Variants in TACO1 observed in about 807,000 individuals in gnomAD.
The protein encoded by TACO1 is translational activator of cytochrome c oxidase 1.
TACO1 carries 13 observed loss-of-function variants against 24.0 expected under a neutral mutation model. The ratio of observed to expected loss-of-function variants is 0.54; its 90% CI spans 0.35 to 0.86. The LOEUF is 0.86. TACO1 is among the 40% of genes least tolerant of loss of function. TACO1 has a pLI of 0.01. For synonymous variants in TACO1, 149 were observed against 153.5 expected (o/e 0.97, Z 0.22); for missense variants, 352 against 380.1 (o/e 0.93, Z 0.61).
intron 2 of TACO1, 45 bp downstream of exon 2, chr17:63,604,685 G>A (rs780944479): frequency 1.5e-5 from 24 of 1,552,498 alleles, no homozygotes; most frequent in Admixed American, 1.5e-4. Flanking sequence ...AGCCTCTACC[G>A]GGCTCATGTC....
chr17:63,601,066 AC>A lies in TACO1; in HGVS notation c.-14del. 6.5e-7 allele frequency: 1 copy of A among 1,538,590 alleles called. No homozygotes were observed. Among genetic ancestry groups the A allele is most frequent in the Non-Finnish European group, 8.7e-7 (1 of 1,145,936 alleles). On this transcript the variant is annotated 5_prime_UTR_variant, in exon 1 of 5. Transcript: ENST00000258975. Reference sequence around the variant, plus strand: ...TTGGCCGCTGCTGCTAGCAGCTTGAACCCCAGGGTCGGGACCGATGTCGGCT... The same window carrying A: ...TTGGCCGCTGCTGCTAGCAGCTTGAACCCAGGGTCGGGACCGATGTCGGCT...
At position 63,606,318 on chromosome 17, in the gene TACO1, C is replaced by CA; in HGVS notation, c.395dup (p.Asp133GlyfsTer7). On this transcript the variant is annotated frameshift_variant, in exon 3 of 5. Coordinates refer to ENST00000258975, the MANE Select transcript of TACO1 (RefSeq NM_016360.4). LOFTEE classifies it high-confidence loss of function. ...GCTTGTGTTGTTTATTGCAGAAATC[C>CA]AAGGACACTTATTTGCTGTATGAGG... 1 of 1,613,296 alleles carries CA rather than the reference C, an allele frequency of 6.2e-7. No individual in the cohort carries two copies. Among genetic ancestry groups the CA allele is most frequent in the South Asian group, 1.1e-5 (1 of 91,046 alleles).
At position 63,606,794 on chromosome 17, in the gene TACO1, C is replaced by T. The variant is rs1432985991; in HGVS notation, c.515+354C>T. 5 of 367,314 alleles carry T rather than the reference C, an allele frequency of 1.4e-5. No homozygotes were observed. In the East Asian group the frequency reaches 3.4e-4, roughly 25 times the overall value. 22.8% of individuals were successfully genotyped at this position (367,314 alleles called of 1,614,324 possible). On this transcript the variant is annotated intron_variant, in intron 3 of 4. Coordinates refer to ENST00000258975, the MANE Select transcript of TACO1 (RefSeq NM_016360.4). Reference sequence around the variant, plus strand: ...GAACTCCTGATCTCAGGTGATCCACCTGCCTCAGCCTCCCAAAGTGCTGGG... The same window carrying T: ...GAACTCCTGATCTCAGGTGATCCACTTGCCTCAGCCTCCCAAAGTGCTGGG...
chr17:63,604,554 C>CACAA lies in TACO1; in HGVS notation c.302_305dup (p.Asn102LysfsTer23). The CACAA allele has an allele frequency of 1.2e-6, 2 of 1,614,028 alleles. No individual in the cohort carries two copies. The highest frequency in any genetic ancestry group is 1.7e-6 in the Non-Finnish European group (2 of 1,179,992). ...CTCAGAAGGAGGCCCCAACCCTGAG[C>CACAA]ACAACAGCAACCTGGCCAATATCTT... On this transcript the variant is annotated frameshift_variant, in exon 2 of 5. Transcript: ENST00000258975. LOFTEE classifies it high-confidence loss of function.
intron 1 of TACO1, among the ~76,000 whole-genome samples, chr17:63,603,723 A>G (rs111973992): frequency 1.3e-5 from 2 of 151,610 alleles, no homozygotes; most frequent in African/African-American, 2.4e-5. Flanking sequence ...CTCAAAAAAA[A>G]GGTCTTTTCT....
rs1407651913 is a variant in TACO1, at chr17:63,608,274, G to A, written c.*272G>A. The A allele has an allele frequency of 2.0e-6, 1 of 506,130 alleles. No individual in the cohort carries two copies. Among genetic ancestry groups the A allele is most frequent in the East Asian group, 3.7e-5 (1 of 27,182 alleles). 31.4% of individuals were successfully genotyped at this position (506,130 alleles called of 1,614,324 possible). On this transcript the variant is annotated 3_prime_UTR_variant, in exon 5 of 5. Transcript: ENST00000258975. ...ACCCAGCTGGTCAGACTCTGATGTT[G>A]GGTAGCTGGCCTCTGTGGGGATTGT...
At position 63,607,440 on chromosome 17, in the gene TACO1, T is replaced by G. The variant is rs775360093; in HGVS notation, c.669T>G (p.Asp223Glu). 1 of 1,614,040 alleles carries G rather than the reference T, an allele frequency of 6.2e-7. No individual in the cohort carries two copies. Among genetic ancestry groups the G allele is most frequent in the Non-Finnish European group, 8.5e-7 (1 of 1,180,040 alleles). Residue 223 changes from aspartate (D) to glutamate (E), a missense_variant, in exon 4 of 5, where the codon GAT (aspartate) becomes GAG (glutamate). Coordinates refer to ENST00000258975, the MANE Select transcript of TACO1 (RefSeq NM_016360.4). The part of the protein sequence containing the change: ...AGAEDVKETE[D>E]EEERNVFKFI... ...CTGAGGATGTCAAGGAAACTGAAGA[T>G]GAAGAAGAAAGGAACGTTTTTAAAG...
At chr17:63,607,526 C>G in intron 4 of TACO1, 62 bp downstream of exon 4, 1 of 1,558,838 alleles carries the variant, frequency 6.4e-7, no homozygotes, top group South Asian at 1.1e-5. Context: ...ATGCCTTATG[C>G]ATGCCTCTTG....
At chr17:63,605,776 T>C (rs1160742630) in intron 2 of TACO1, among the ~76,000 whole-genome samples, 1 of 151,442 alleles carries the variant, frequency 6.6e-6, no homozygotes, top group Non-Finnish European at 1.5e-5. Flanking sequence ...GTGCTTGGAG[T>C]GGGGAATATT....
At chr17:63,604,465 C>G in intron 1 of TACO1, 69 bp from the exon 2 acceptor site, 3 of 1,397,476 alleles carry the variant, frequency 2.1e-6, no homozygotes, top group Non-Finnish European at 3.0e-6. Context: ...CTGGAAATCC[C>G]TTTTATTCTC....
Position 63,608,259 on chromosome 17 carries a change from T to G in TACO1, c.*257T>G. On this transcript the variant is annotated 3_prime_UTR_variant, in exon 5 of 5. Transcript: ENST00000258975. Reference sequence around the variant, plus strand: ...ATGCAGGGCAGGACCACCCAGCTGGTCAGACTCTGATGTTGGGTAGCTGGC... The same window carrying G: ...ATGCAGGGCAGGACCACCCAGCTGGGCAGACTCTGATGTTGGGTAGCTGGC... 2 of 537,992 alleles carry G rather than the reference T, an allele frequency of 3.7e-6. No homozygotes were observed. Among genetic ancestry groups the G allele is most frequent in the South Asian group, 3.9e-5 (2 of 50,978 alleles). The allele number at this position is 537,992 out of a possible 1,614,324, so 33.3% of individuals were successfully genotyped here. A position where few individuals can be genotyped will look rare whatever the true frequency, so the allele number is the denominator to read the frequency against.
At chr17:63,603,521 C>T (rs938888917) in intron 1 of TACO1, among the ~76,000 whole-genome samples, 3 of 152,020 alleles carry the variant, frequency 2.0e-5, no homozygotes, top group South Asian at 2.1e-4. Context: ...ACCTGGCCAA[C>T]GTGGTGAAAC....
chr17:63,603,018 G>A (rs1460947204), intron 1 of TACO1, among the ~76,000 whole-genome samples: 5 of 151,818 alleles, frequency 3.3e-5, no homozygotes, highest in South Asian at 2.1e-4. Context: ...GGCGGATCAC[G>A]AGGTCAGATC....
chr17:63,601,349 G>T lies in TACO1; in HGVS notation c.266G>T (p.Arg89Leu), dbSNP rs755963243. 3.7e-6 allele frequency: 6 copies of T among 1,612,698 alleles called. No individual in the cohort carries two copies. The highest frequency in any genetic ancestry group is 5.1e-6 in the Non-Finnish European group (6 of 1,179,942). ...RIFSKLCLNI[R>L]LAVKEGGPNP... ...TTCTCCAAACTCTGTTTGAACATCC[G>T]CCTGGCAGTGAAAGGTGAGACCCTG... is the stretch of plus-strand genomic sequence containing the variant. The change falls in exon 1 of 5, where the codon CGC becomes CTC. Residue 89 changes from arginine to leucine, a missense_variant. Transcript: ENST00000258975.
chr17:63,602,350 GCTTAA>G (rs1260583479), intron 1 of TACO1, among the ~76,000 whole-genome samples: 5 of 151,614 alleles, frequency 3.3e-5, no homozygotes, highest in Admixed American at 1.3e-4. Context: ...TGAACAAGTA[GCTTAA>G]CTTGAGTTTC....
At chr17:63,604,709 A>G (rs2033849953) in intron 2 of TACO1, 69 bp downstream of exon 2, 1 of 1,374,210 alleles carries the variant, frequency 7.3e-7, no homozygotes, top group Non-Finnish European at 1.0e-6. Flanking sequence ...ATGGCCAACA[A>G]ACACACTGTA....
In TACO1 at chr17:63,601,016, C is replaced by T. The variant is rs994974917; in HGVS notation, c.-68C>T. The T allele has an allele frequency of 5.9e-6, 9 of 1,516,842 alleles. No homozygotes were observed. Among genetic ancestry groups the T allele is most frequent in the Non-Finnish European group, 8.0e-6 (9 of 1,131,040 alleles). The allele number at this position is 1,516,842 out of a possible 1,614,324, so 94.0% of individuals were successfully genotyped here. ...CCGCGGGGTCCGGAACTGCTTGTTC[C>T]GGCAGTGGAAGAGACGCGCCGGCGT... On this transcript the variant is annotated 5_prime_UTR_variant, in exon 1 of 5. Transcript: ENST00000258975.
At chr17:63,606,679 G>A in intron 3 of TACO1, 1 of 520,788 alleles carries the variant, frequency 1.9e-6, no homozygotes, top group Non-Finnish European at 3.5e-6. Flanking sequence ...CTGAGTAGCT[G>A]GGATTAAAGA....
At position 63,607,270 on chromosome 17, in the gene TACO1, G is replaced by C. The variant is rs369072716; in HGVS notation, c.516-17G>C. 1.2e-6 allele frequency: 2 copies of C among 1,612,748 alleles called. No individual in the cohort carries two copies. Among genetic ancestry groups the C allele is most frequent in the African/African-American group, 2.7e-5 (2 of 75,022 alleles). On this transcript the variant is annotated splice_polypyrimidine_tract_variant and intron_variant, in intron 3 of 4. Transcript: ENST00000258975. ...TAGAGGCATCCACTCATGCCAGCCT[G>C]TTTCCTTCCCTGTCAGAGGAGTGAT...
Sources: gnomAD v4.1 joint callset for allele counts (sites outside exome capture counted in the v4.1 genomes callset) on GRCh38, gnomAD v4.1.1 for gene constraint, MANE v1.5 for transcripts, NCBI Gene and HGNC (gene_info 2026-07-23, HGNC 2026-07-21) for gene names.